Variants in VAC14 observed in about 807,000 individuals in gnomAD.
The protein encoded by VAC14 is VAC14 component of PIKFYVE complex.
A neutral mutation model predicts 85.3 loss-of-function variants in VAC14; 47 were observed. The ratio of observed to expected loss-of-function variants is 0.55; its 90% CI spans 0.44 to 0.70. VAC14 has a LOEUF of 0.70. Ranked by LOEUF, VAC14 falls within the 30% of genes least tolerant of loss-of-function variation. VAC14 has a pLI of 0.00. For synonymous variants in VAC14, 447 were observed against 430.5 expected (o/e 1.04, Z -0.47); for missense variants, 861 against 1,004.3 (o/e 0.86, Z 1.93).
intron 14 of VAC14, among the ~76,000 whole-genome samples, chr16:70,723,474 A>G (rs766585345): frequency 6.6e-6 from 1 of 152,188 alleles, no homozygotes; most frequent in Non-Finnish European, 1.5e-5. Context: ...CAAAAAATAA[A>G]TAAATGATAC....
intron 14 of VAC14, among the ~76,000 whole-genome samples, chr16:70,718,301 G>A (rs938693869): frequency 6.6e-6 from 1 of 151,860 alleles, no homozygotes; most frequent in African/African-American, 2.4e-5. Flanking sequence ...GGCTGGGTGC[G>A]GTGGCTCACG....
chr16:70,783,399 TG>T (rs1567603056), intron 6 of VAC14, 45 bp downstream of exon 6: 1 of 1,587,536 alleles, frequency 6.3e-7, no homozygotes. Flanking sequence ...TGGGCACAGC[TG>T]GGGGTGGCAG....
intron 14 of VAC14, chr16:70,699,700 T>C (rs959809794): frequency 1.3e-5 from 2 of 152,212 alleles, no homozygotes; most frequent in African/African-American, 2.4e-5. Context: ...CCACGTGCCC[T>C]TGGAGGCCTG....
chr16:70,689,201 A>C (rs1414133922), intron 18 of VAC14: 2 of 980,660 alleles, frequency 2.0e-6, no homozygotes, highest in Non-Finnish European at 2.4e-6. Flanking sequence ...GGGCTACCTA[A>C]GGAGCGGCCC....
chr16:70,786,110 T>C, intron 2 of VAC14, 105 bp downstream of exon 2: 1 of 1,510,650 alleles, frequency 6.6e-7, no homozygotes. Context: ...TAATAAAACA[T>C]AGGTCTGCAA....
chr16:70,798,073 T>C (rs1301497327), intron 1 of VAC14, among the ~76,000 whole-genome samples: 2 of 152,182 alleles, frequency 1.3e-5, no homozygotes, highest in Non-Finnish European at 2.9e-5. Flanking sequence ...ACTCTATGCA[T>C]ATTATTATTA....
intron 14 of VAC14, chr16:70,716,575 A>G (rs1317409932): frequency 6.6e-6 from 1 of 152,246 alleles, no homozygotes; most frequent in African/African-American, 2.4e-5. Flanking sequence ...AAAGAACCCA[A>G]CTGGCCCATA....
intron 9 of VAC14, 109 bp downstream of exon 9, chr16:70,780,681 T>C: frequency 2.2e-6 from 3 of 1,354,718 alleles, no homozygotes; most frequent in Non-Finnish European, 3.0e-6. Context: ...GTGAGTGACA[T>C]ACATAAAGTA....
rs1597965451 is a variant in VAC14 at position 70,763,090 on chromosome 16, T to C, written c.1161-65A>G. The C allele has an allele frequency of 1.9e-6, 3 of 1,605,356 alleles. No individual in the cohort carries two copies. The East Asian group carries it at 6.7e-5, about 36-fold the overall frequency. On this transcript the variant is annotated intron_variant, in intron 10 of 18. Coordinates refer to ENST00000261776, the MANE Select transcript of VAC14 (RefSeq NM_018052.5). Reference sequence around the variant, plus strand: ...ACCATAGCCCTCTCCCATGGAGTCATGGCACCACCCTGGGCCTGCACATCC... The same window carrying C: ...ACCATAGCCCTCTCCCATGGAGTCACGGCACCACCCTGGGCCTGCACATCC...
At chr16:70,782,917 A>G (rs2033879699) in intron 7 of VAC14, 116 bp downstream of exon 7, 3 of 946,220 alleles carry the variant, frequency 3.2e-6, no homozygotes, top group Non-Finnish European at 3.3e-6. Flanking sequence ...TAATATTCCT[A>G]CCAGGAATCT....
intron 14 of VAC14, chr16:70,716,708 G>GT (rs1397737867): frequency 6.6e-6 from 1 of 152,284 alleles, no homozygotes; most frequent in East Asian, 1.9e-4. Flanking sequence ...CTGGTATGAG[G>GT]TGCTGGGCCT....
At chr16:70,790,162 G>GCCAGAA (rs2034270559) in intron 1 of VAC14, among the ~76,000 whole-genome samples, 1 of 152,212 alleles carries the variant, frequency 6.6e-6, no homozygotes, top group Non-Finnish European at 1.5e-5. Flanking sequence ...AGGGCATGAG[G>GCCAGAA]TGACTCGGGG....
At chr16:70,713,561 G>T (rs1201600843) in intron 14 of VAC14, among the ~76,000 whole-genome samples, 1 of 152,234 alleles carries the variant, frequency 6.6e-6, no homozygotes, top group Non-Finnish European at 1.5e-5. Context: ...GGCTTGAGGA[G>T]ACACAGATGA....
intron 18 of VAC14, chr16:70,688,806 G>A (rs922869720): frequency 5.1e-6 from 5 of 985,626 alleles, no homozygotes; most frequent in Non-Finnish European, 6.0e-6. Flanking sequence ...CCAGTGCTTA[G>A]CTTGCCCCTG....
intron 14 of VAC14, among the ~76,000 whole-genome samples, chr16:70,711,060 C>T (rs867125025): frequency 1.4e-4 from 22 of 152,370 alleles, no homozygotes; most frequent in African/African-American, 5.0e-4. Flanking sequence ...CAGCCCCTGT[C>T]CCATCAGTGT....
At chr16:70,785,664 A>AAG in intron 3 of VAC14, 38 bp downstream of exon 3, 1 of 1,524,362 alleles carries the variant, frequency 6.6e-7, no homozygotes. Context: ...TGGGGGAACC[A>AAG]AGCGCAGCTC....
At position 70,761,018 on chromosome 16, in the gene VAC14, TGCATGGGGGG is replaced by T. The variant is rs143970783; in HGVS notation, c.1371+1512_1371+1521del. The T allele has an allele frequency of 3.7e-3, 1,001 of 267,826 alleles. 31 individuals carry two copies. Among genetic ancestry groups the T allele is most frequent in the East Asian group, 4.7e-3 (41 of 8,726 alleles). The allele number at this position is 267,826 out of a possible 1,614,324, so 16.6% of individuals were successfully genotyped here. ...GTGTGTGTGTGTGTGTGTGTGTGTGTGCATGGGGGGGCGGGGGGTAGGCAGGAGAGGCCAA... is the reference window on the plus strand; with the variant it reads ...GTGTGTGTGTGTGTGTGTGTGTGTGTGCGGGGGGTAGGCAGGAGAGGCCAA... On this transcript the variant is annotated intron_variant, in intron 12 of 18. Coordinates refer to ENST00000261776, the MANE Select transcript of VAC14 (RefSeq NM_018052.5).
At chr16:70,737,408 GC>G (rs1256775499) in intron 13 of VAC14, among the ~76,000 whole-genome samples, 1 of 152,238 alleles carries the variant, frequency 6.6e-6, no homozygotes, top group African/African-American at 2.4e-5. Flanking sequence ...CCACAACCCG[GC>G]TGTGTGTCTC....
intron 13 of VAC14, among the ~76,000 whole-genome samples, chr16:70,737,136 T>G (rs1222358780): frequency 6.6e-6 from 1 of 152,116 alleles, no homozygotes; most frequent in Non-Finnish European, 1.5e-5. Context: ...AATGGGCCCC[T>G]CAAGTATGCT....
Sources: gnomAD v4.1 joint callset for allele counts (sites outside exome capture counted in the v4.1 genomes callset) on GRCh38, gnomAD v4.1.1 for gene constraint, MANE v1.5 for transcripts, NCBI Gene and HGNC (gene_info 2026-07-23, HGNC 2026-07-21) for gene names.